The following FCER1A variants were observed in gnomAD, a reference collection of about 807,000 sequenced individuals.
FCER1A encodes the protein Fc epsilon receptor Ia, also known as high affinity immunoglobulin epsilon receptor subunit alpha.
Under a neutral mutation model 23.6 loss-of-function variants are expected in FCER1A, and 24 were observed. That is an observed-to-expected ratio of 1.02 (90% CI 0.74 to 1.43). FCER1A has a LOEUF of 1.43. Among genes scored for constraint, FCER1A ranks in the 40% most tolerant of loss-of-function variants. FCER1A has a pLI of 0.00. For synonymous variants in FCER1A, 121 were observed against 108.8 expected, an observed-to-expected ratio of 1.11 and a Z score of -0.70; for missense variants, 318 against 294.5, an observed-to-expected ratio of 1.08 and a Z score of -0.58.
intron 1 of FCER1A, among the ~76,000 whole-genome samples, chr1:159,290,046 T>C (rs1397876693): frequency 2.6e-5 from 4 of 152,208 alleles, no homozygotes; most frequent in Admixed American, 2.6e-4. Flanking sequence ...GATTCAAATA[T>C]AGGTGCTCTC....
upstream of FCER1A, among the ~76,000 whole-genome samples, chr1:159,284,925 T>C (rs909922727): frequency 1.3e-5 from 2 of 152,258 alleles, no homozygotes; most frequent in Non-Finnish European, 2.9e-5. Context: ...ACAGGAATGC[T>C]CTTTATAATA....
intron 1 of FCER1A, among the ~76,000 whole-genome samples, chr1:159,293,537 TC>T (rs1236771480): frequency 1.3e-5 from 1 of 75,394 alleles, no homozygotes; most frequent in Non-Finnish European, 2.5e-5. Context: ...AAGCTATCCC[TC>T]CCCCCTCCCC....
intron 1 of FCER1A, among the ~76,000 whole-genome samples, chr1:159,293,393 A>T (rs1353517592): frequency 4.6e-5 from 7 of 151,286 alleles, no homozygotes; most frequent in Middle Eastern, 3.4e-3. Flanking sequence ...TCTTTTTTTT[A>T]AATTTTATTA....
intron 1 of FCER1A, among the ~76,000 whole-genome samples, chr1:159,291,869 A>C (rs1652161215): frequency 6.6e-6 from 1 of 152,104 alleles, no homozygotes; most frequent in African/African-American, 2.4e-5. Flanking sequence ...CTAAAGTCCC[A>C]AAAACTTCCA....
At chr1:159,295,648 G>A (rs1384111743) in intron 1 of FCER1A, among the ~76,000 whole-genome samples, 1 of 152,094 alleles carries the variant, frequency 6.6e-6, no homozygotes, top group African/African-American at 2.4e-5. Context: ...GAACCTCTAT[G>A]ATAATCTGCA....
intron 1 of FCER1A, among the ~76,000 whole-genome samples, chr1:159,297,145 G>C (rs558468915): frequency 6.6e-6 from 1 of 152,286 alleles, no homozygotes; most frequent in South Asian, 2.1e-4. Flanking sequence ...CATTCGGCTT[G>C]AGGGCTGACT....
intron 1 of FCER1A, among the ~76,000 whole-genome samples, chr1:159,293,168 C>CTGTGTGTGTG (rs10632832): frequency 5.0e-4 from 73 of 145,914 alleles, no homozygotes; most frequent in African/African-American, 1.5e-3. Flanking sequence ...TACATACACA[C>CTGTGTGTGTG]TGTGTGTGTG....
intron 2 of FCER1A, 36 bp from the exon 3 acceptor site, chr1:159,303,892 C>G (rs1269783075): frequency 6.4e-7 from 1 of 1,561,820 alleles, no homozygotes; most frequent in Non-Finnish European, 8.7e-7. Context: ...CTTTTTTTCT[C>G]TCTACATGTC....
intron 2 of FCER1A, 130 bp from the exon 3 acceptor site, chr1:159,303,798 C>T: frequency 1.4e-6 from 1 of 703,866 alleles, no homozygotes; most frequent in Non-Finnish European, 2.3e-6. Flanking sequence ...AGGGTCTTAT[C>T]ACCAACAGAA....
chr1:159,307,964 GT>G lies in FCER1A; in HGVS notation c.*39del. 2.0e-6 allele frequency: 3 copies of G among 1,532,048 alleles called. No individual in the cohort carries two copies. Among genetic ancestry groups the G allele is most frequent in the East Asian group, 2.3e-5 (1 of 43,628 alleles). 94.9% of individuals were successfully genotyped at this position (1,532,048 alleles called of 1,614,324 possible). A position where few individuals can be genotyped will look rare whatever the true frequency, so the allele number is the denominator to read the frequency against. ...TACTCAAGAAATATTTGCAACATTA[GT>G]TTTTTTCCAGCATCAGCAATTGCTA... On this transcript the variant is annotated 3_prime_UTR_variant, in exon 5 of 5. Coordinates refer to ENST00000693622, the MANE Select transcript of FCER1A (RefSeq NM_001387280.1).
upstream of FCER1A, among the ~76,000 whole-genome samples, chr1:159,299,890 C>T (rs900087174): frequency 6.8e-6 from 1 of 147,280 alleles, no homozygotes; most frequent in African/African-American, 2.5e-5. Flanking sequence ...TGTTCTTGTT[C>T]TGTTCTTTTG....
In FCER1A at chr1:159,293,767, C is replaced by T. The variant is rs1422586746; in HGVS notation, c.-60+4014C>T. Among the ~76,000 whole-genome samples the T allele has an allele frequency of 1.2e-4, 18 of 152,008 alleles. No individual in the cohort carries two copies. In the East Asian group the frequency reaches 2.7e-3, roughly 23 times the overall value. On this transcript the variant is annotated intron_variant, in intron 1 of 5. Coordinates refer to the FCER1A transcript ENST00000368115. ...CATAGTATTCCATGGTGTATATGTGCCACATTTTCTTAATCCAGTCTATCA... is the reference window on the plus strand; with the variant it reads ...CATAGTATTCCATGGTGTATATGTGTCACATTTTCTTAATCCAGTCTATCA...
intron 1 of FCER1A, among the ~76,000 whole-genome samples, chr1:159,290,233 T>A (rs1652113367): frequency 6.6e-6 from 1 of 152,120 alleles, no homozygotes; most frequent in South Asian, 2.1e-4. Flanking sequence ...GAGTGTCCCC[T>A]TTGAGGGAGA....
In FCER1A at chr1:159,306,220, G is replaced by T; in HGVS notation, c.564G>T (p.Glu188Asp). ...GKVWQLDYES[E>D]PLNITVIKAP... is the part of the protein sequence containing the mutation. ...TGTGGCAGCTGGACTATGAGTCTGA[G>T]CCCCTCAACATTACTGTAATAAAAG... is the stretch of plus-strand genomic sequence containing the variant. The change falls in exon 4 of 5, where the codon GAG becomes GAT. Residue 188 changes from glutamate to aspartate, a missense_variant. Glu to Asp is a conservative substitution (Grantham distance 45). Transcript: ENST00000693622. 6.8e-6 allele frequency: 11 copies of T among 1,613,996 alleles called. No homozygotes were observed. The highest frequency in any genetic ancestry group is 8.5e-6 in the Non-Finnish European group (10 of 1,179,988).
chr1:159,307,221 G>A (rs2102235804), intron 4 of FCER1A, among the ~76,000 whole-genome samples: 1 of 152,296 alleles, frequency 6.6e-6, no homozygotes, highest in South Asian at 2.1e-4. Flanking sequence ...ATTTCTGGAT[G>A]TAATATTCTG....
intron 1 of FCER1A, among the ~76,000 whole-genome samples, chr1:159,294,641 C>G (rs1267580203): frequency 1.3e-5 from 2 of 152,126 alleles, no homozygotes; most frequent in Non-Finnish European, 2.9e-5. Flanking sequence ...TATTATCTCT[C>G]TTGTATCACC....
chr1:159,304,968 C>T (rs1384777182), intron 3 of FCER1A, among the ~76,000 whole-genome samples: 2 of 152,148 alleles, frequency 1.3e-5, no homozygotes, highest in Non-Finnish European at 2.9e-5. Flanking sequence ...ACACATATTT[C>T]ATGCTTGTTT....
upstream of FCER1A, among the ~76,000 whole-genome samples, chr1:159,287,149 G>A (rs1652038881): frequency 1.3e-5 from 2 of 152,122 alleles, no homozygotes; most frequent in South Asian, 4.1e-4. Flanking sequence ...CCATGCATGT[G>A]CCATGTAAAA....
intron 1 of FCER1A, among the ~76,000 whole-genome samples, chr1:159,293,770 C>A (rs1239344965): frequency 6.6e-6 from 1 of 151,964 alleles, no homozygotes; most frequent in East Asian, 1.9e-4. Flanking sequence ...ATATGTGCCA[C>A]ATTTTCTTAA....
Sources: allele counts gnomAD v4.1 joint callset (sites outside exome capture counted in the v4.1 genomes callset), GRCh38; gene constraint gnomAD v4.1.1; transcripts MANE v1.5; gene names NCBI Gene and HGNC (gene_info 2026-07-23, HGNC 2026-07-21).